REXO1: variants seen among roughly 807,000 people sequenced by gnomAD.
The protein encoded by REXO1 is RNA exonuclease 1 homolog, also known as REX1, RNA exonuclease 1 homolog.
REXO1 carries 42 observed loss-of-function variants against 102.6 expected under a neutral mutation model. That is an observed-to-expected ratio of 0.41 (90% CI 0.32 to 0.53). The LOEUF (loss-of-function observed/expected upper bound fraction) is 0.53. Among genes scored for constraint, REXO1 ranks in the 20% least tolerant of loss-of-function variants. REXO1 has a pLI of 0.27. For missense variants in REXO1, 1,819 were observed against 1,732.5 expected (o/e 1.05, Z -0.89); for synonymous variants, 908 against 779.1 (o/e 1.17, Z -2.76).
In REXO1 at chr19:1,816,769, G is replaced by C. The variant is rs375799560; in HGVS notation, c.3246C>G (p.Val1082=). 1.7e-5 allele frequency: 27 copies of C among 1,612,706 alleles called. No individual in the cohort carries two copies. The highest frequency in any genetic ancestry group is 2.2e-5 in the South Asian group (2 of 91,064). Residue 1082 remains valine (V), a synonymous_variant, in exon 13 of 16, where the codon GTC becomes GTG. Coordinates refer to ENST00000170168, the MANE Select transcript of REXO1 (RefSeq NM_020695.4). The stretch of plus-strand genomic sequence containing the variant: ...CATAAACCACGTGCACGTCCGTGTC[G>C]ACCACCGTGACGCGCGTCAGCTCCA... ...YGLELTRVTV[V]DTDVHVVYDT... is the part of the protein sequence containing the mutation.
At position 1,828,598 on chromosome 19, in the gene REXO1, G is replaced by C; in HGVS notation, c.191C>G (p.Pro64Arg). Residue 64 changes from proline (P) to arginine (R), a missense_variant, in exon 2 of 16, where the codon CCC (proline) becomes CGC (arginine). Physicochemically the swap from Pro to Arg is moderately radical, Grantham distance 103. Transcript: ENST00000170168. ...LGYDPYNPEL[P>R]KPPAQRENGT... ...ATTCTCCCTCTGCGCGGGGGGCTTG[G>C]GCAGCTCAGGGTTGTAGGGGTCGTA... The C allele has an allele frequency of 6.2e-7, 1 of 1,602,538 alleles. No homozygotes were observed. The highest frequency in any genetic ancestry group is 8.5e-7 in the Non-Finnish European group (1 of 1,179,732).
chr19:1,825,079 G>T (rs891429336), intron 3 of REXO1, among the ~76,000 whole-genome samples: 1 of 147,730 alleles, frequency 6.8e-6, no homozygotes. Context: ...ATTTTGGGAG[G>T]CCGAGGTAGG....
chr19:1,831,250 C>A (rs1488700035), intron 1 of REXO1, among the ~76,000 whole-genome samples: 1 of 152,236 alleles, frequency 6.6e-6, no homozygotes, highest in Non-Finnish European at 1.5e-5. Context: ...TGGGAACCTG[C>A]CCGCACCAAG....
At chr19:1,821,744 C>T in intron 4 of REXO1, 62 bp from the exon 5 acceptor site, 1 of 1,496,718 alleles carries the variant, frequency 6.7e-7, no homozygotes, top group Non-Finnish European at 9.0e-7. Flanking sequence ...CGTGGCGGAG[C>T]ACCAGGCAGC....
chr19:1,827,717 A>T lies in REXO1; in HGVS notation c.1072T>A (p.Ser358Thr). 6.4e-7 allele frequency: 1 copy of T among 1,570,050 alleles called. No individual in the cohort carries two copies. The highest frequency in any genetic ancestry group is 8.6e-7 in the Non-Finnish European group (1 of 1,169,234). Residue 358 changes from serine (S) to threonine (T), a missense_variant, in exon 2 of 16, where the codon TCC becomes ACC. Ser to Thr is a moderately conservative substitution (Grantham distance 58, BLOSUM62 1). Coordinates refer to ENST00000170168, the MANE Select transcript of REXO1 (RefSeq NM_020695.4). ...TGTGAGGACTGGACCTGGGCTGGGG[A>T]GGCGGGCTTGGCTGGGGGCGGCTGG... The part of the protein sequence containing the change: ...DLQPPPAKPA[S>T]PAQVQSSQDG...
intron 4 of REXO1, 134 bp from the exon 5 acceptor site, chr19:1,821,816 G>A (rs982953855): frequency 2.6e-6 from 2 of 755,320 alleles, no homozygotes; most frequent in African/African-American, 3.6e-5. Context: ...GCCAGGGTGA[G>A]GGGCTGGGGC....
At chr19:1,842,192 C>T (rs1049811631) in intron 1 of REXO1, among the ~76,000 whole-genome samples, 3 of 148,042 alleles carry the variant, frequency 2.0e-5, no homozygotes, top group Admixed American at 6.8e-5. Context: ...ACAGCCTAGA[C>T]GACAGAGCCA....
At chr19:1,818,924 G>A (rs556850378) in intron 8 of REXO1, 81 bp from the exon 9 acceptor site, 571 of 1,579,516 alleles carry the variant, frequency 3.6e-4, no homozygotes, top group Non-Finnish European at 4.6e-4. Flanking sequence ...CGGCTGGGCC[G>A]GCAGGGGCCC....
rs1420767712 is a variant in REXO1, at chr19:1,815,713, C to T, written c.*353G>A. 8.0e-6 allele frequency: 11 copies of T among 1,375,188 alleles called. No homozygotes were observed. The South Asian group carries it at 9.1e-5, about 11-fold the overall frequency. 85.2% of individuals were successfully genotyped at this position (1,375,188 alleles called of 1,614,324 possible). A position where few individuals can be genotyped will look rare whatever the true frequency, so the allele number is the denominator to read the frequency against. On this transcript the variant is annotated 3_prime_UTR_variant, in exon 16 of 16. Transcript: ENST00000170168. This position sits in a 1 kb window ranked among gnomAD's most constrained non-coding sequence, Gnocchi z 4.0. Reference sequence around the variant, plus strand: ...ACCTGGGACAAGCCCGCCCCGCGACCCACGTGAGGAGCAGAGGTGCCGGCC... The same window carrying T: ...ACCTGGGACAAGCCCGCCCCGCGACTCACGTGAGGAGCAGAGGTGCCGGCC...
Position 1,823,842 on chromosome 19 carries a change from G to A in REXO1, c.2017-57C>T, listed in dbSNP as rs191693800. On this transcript the variant is annotated intron_variant, in intron 3 of 15. Transcript: ENST00000170168. Reference sequence around the variant, plus strand: ...CACAGCGGGGGCACCTGGAGCAGGCGACCCCGGGCAGGCTTGGGAGAGGGT... The same window carrying A: ...CACAGCGGGGGCACCTGGAGCAGGCAACCCCGGGCAGGCTTGGGAGAGGGT... 963 of 846,828 alleles carry A rather than the reference G, an allele frequency of 1.1e-3. 1 individual carries two copies. In the East Asian group the frequency reaches 0.015, roughly 13 times the overall value. 52.5% of individuals were successfully genotyped at this position (846,828 alleles called of 1,614,324 possible).
Position 1,820,267 on chromosome 19 carries a change from C to A in REXO1, c.2523G>T (p.Glu841Asp), listed in dbSNP as rs764091452. The A allele has an allele frequency of 6.2e-7, 1 of 1,612,872 alleles. No individual in the cohort carries two copies. The highest frequency in any genetic ancestry group is 1.1e-5 in the South Asian group (1 of 91,008). The part of the protein sequence containing the change: ...KFCTSNQEAI[E>D]KALNEEKVAY... ...GATAGGAACTCCAGGACCTCACCTT[C>A]TCTATGGCCTCCTGGTTGGAGGTAC... Residue 841 changes from glutamate to aspartate, a missense_variant, in exon 6 of 16, where the codon GAG (glutamate) becomes GAT (aspartate). Transcript: ENST00000170168.
rs775047101 is a variant in REXO1, at chr19:1,846,461, C to T, written c.157+1741G>A. Among the ~76,000 whole-genome samples the T allele has an allele frequency of 6.6e-5, 10 of 152,180 alleles. 1 individual carries two copies. The highest frequency in any genetic ancestry group is 2.9e-5 in the Non-Finnish European group (2 of 68,040). On this transcript the variant is annotated intron_variant, in intron 1 of 15. Transcript: ENST00000170168. ...CAGCAAAAGGGAAATGCAGACACGCCATGGTAAGAGGCAGGCAGCTGCCTT... is the reference window on the plus strand; with the variant it reads ...CAGCAAAAGGGAAATGCAGACACGCTATGGTAAGAGGCAGGCAGCTGCCTT...
intron 1 of REXO1, among the ~76,000 whole-genome samples, chr19:1,835,230 A>G (rs2070006904): frequency 6.6e-6 from 1 of 152,052 alleles, no homozygotes; most frequent in Non-Finnish European, 1.5e-5. Flanking sequence ...CTGGGAGCCC[A>G]CCCAGGGGGT....
rs78977406 is a variant in REXO1 at position 1,827,198 on chromosome 19, C to T, written c.1591G>A (p.Ala531Thr). 0.01 allele frequency: 16,025 copies of T among 1,540,072 alleles called. 104 individuals are homozygous for T. Among genetic ancestry groups the T allele is most frequent in the Non-Finnish European group, 0.012 (14,156 of 1,146,622 alleles). Residue 531 changes from alanine (A) to threonine (T), a missense_variant, in exon 2 of 16, where the codon GCA (alanine) becomes ACA (threonine). Coordinates refer to ENST00000170168, the MANE Select transcript of REXO1 (RefSeq NM_020695.4). Reference protein sequence around the residue: ...LFGDESEDEAAGPGVPSVWPS... With the variant: ...LFGDESEDEATGPGVPSVWPS... ...CACACGCTCGGCACCCCTGGCCCTG[C>T]GGCCTCGTCCTCACTCTCGTCCCCA...
At chr19:1,834,351 C>T (rs1045507090) in intron 1 of REXO1, among the ~76,000 whole-genome samples, 1 of 152,138 alleles carries the variant, frequency 6.6e-6, no homozygotes, top group African/African-American at 2.4e-5. Flanking sequence ...CCAAGCAGAG[C>T]GCAGGACAGG....
chr19:1,826,886 C>T lies in REXO1; in HGVS notation c.1903G>A (p.Ala635Thr). 6.3e-7 allele frequency: 1 copy of T among 1,578,004 alleles called. No homozygotes were observed. Among genetic ancestry groups the T allele is most frequent in the Non-Finnish European group, 8.6e-7 (1 of 1,163,072 alleles). Residue 635 changes from alanine to threonine, a missense_variant, in exon 2 of 16, where the codon GCC (alanine) becomes ACC (threonine). Physicochemically the swap from Ala to Thr is moderately conservative, Grantham distance 58. Transcript: ENST00000170168. This position sits in a 1 kb window ranked among gnomAD's most constrained non-coding sequence, Gnocchi z 4.3. ...SVKTEDRGRL[A>T]RQPPKEEKSE... ...GCACCCGCGCGCCTCACCTGCCGGG[C>T]CAGCCGGCCTCTGTCCTCCGTCTTG... is the stretch of plus-strand genomic sequence containing the variant.
intron 1 of REXO1, among the ~76,000 whole-genome samples, chr19:1,837,911 G>T (rs926406728): frequency 1.3e-5 from 2 of 152,238 alleles, no homozygotes; most frequent in Admixed American, 1.3e-4. Context: ...TGGGGCGGCC[G>T]TCCCCACATG....
Position 1,815,961 on chromosome 19 carries a change from G to A in REXO1, c.*105C>T, listed in dbSNP as rs111599606. ...TCATCCCGCTGCTCTGGGCTGCCTC[G>A]GCCAGGTGGACGGGTTACCGGAGAT... On this transcript the variant is annotated 3_prime_UTR_variant, in exon 16 of 16. Transcript: ENST00000170168. This position sits in a 1 kb window ranked among gnomAD's most constrained non-coding sequence, Gnocchi z 4.0. 33 of 1,535,484 alleles carry A rather than the reference G, an allele frequency of 2.1e-5. No homozygotes were observed. The highest frequency in any genetic ancestry group is 5.5e-5 in the African/African-American group (4 of 73,146).
Position 1,816,011 on chromosome 19 carries a change from A to G in REXO1, c.*55T>C, listed in dbSNP as rs1160277676. On this transcript the variant is annotated 3_prime_UTR_variant, in exon 16 of 16. Coordinates refer to ENST00000170168, the MANE Select transcript of REXO1 (RefSeq NM_020695.4). ...TTTATTGCACTGTTTTGGAAGAGGC[A>G]TGGGGCTAAGGACCAGCGGGACGGC... The G allele has an allele frequency of 4.6e-6, 7 of 1,538,070 alleles. No homozygotes were observed. The East Asian group carries it at 1.7e-4, about 38-fold the overall frequency.
Sources: gnomAD v4.1 joint callset for allele counts (sites outside exome capture counted in the v4.1 genomes callset) on GRCh38, gnomAD v4.1.1 for gene constraint, Gnocchi (gnomAD v3.1) non-coding constraint, MANE v1.5 for transcripts, NCBI Gene and HGNC (gene_info 2026-07-23, HGNC 2026-07-21) for gene names.